Variants in KATNIP observed in about 807,000 individuals in gnomAD.
KATNIP encodes the protein katanin-interacting protein.
Under a neutral mutation model 174.0 loss-of-function variants are expected in KATNIP, and 126 were observed. The observed-to-expected ratio is 0.72, with a 90% CI of 0.63 to 0.84. The LOEUF (loss-of-function observed/expected upper bound fraction) is 0.84. Ranked by LOEUF, KATNIP falls within the 40% of genes least tolerant of loss-of-function variation. The probability of loss-of-function intolerance (pLI) is 0.00; values close to 1 mark genes in which losing one functional copy is unlikely to be tolerated. For synonymous variants in KATNIP, 810 were observed against 835.7 expected, an observed-to-expected ratio of 0.97 and a Z score of 0.53; for missense variants, 1,958 against 2,109.7, an observed-to-expected ratio of 0.93 and a Z score of 1.41.
rs544886645 is a variant in KATNIP, at chr16:27,696,100, C to A, written c.941-2228C>A. On this transcript the variant is annotated intron_variant, in intron 8 of 27. Coordinates refer to ENST00000261588, the MANE Select transcript of KATNIP (RefSeq NM_015202.5). The stretch of plus-strand genomic sequence containing the variant: ...TTATATCACTGTATATTTTATAAAA[C>A]CATCTTTCCATTCATGGGAACTTCC... Among the ~76,000 whole-genome samples the A allele has an allele frequency of 2.6e-5, 4 of 152,274 alleles. No individual in the cohort carries two copies. The East Asian group carries it at 7.7e-4, about 29-fold the overall frequency.
intron 6 of KATNIP, among the ~76,000 whole-genome samples, chr16:27,655,832 A>G (rs1048318551): frequency 1.3e-5 from 2 of 152,166 alleles, no homozygotes; most frequent in Non-Finnish European, 2.9e-5. Context: ...ATTCACAGTC[A>G]CAGGCGGGGA....
intron 8 of KATNIP, among the ~76,000 whole-genome samples, chr16:27,694,277 A>G (rs1354996447): frequency 6.6e-6 from 1 of 152,152 alleles, no homozygotes; most frequent in Non-Finnish European, 1.5e-5. Flanking sequence ...GCGTAGCAAG[A>G]GAGTCAAGTG....
chr16:27,566,121 A>T (rs2090080079), intron 1 of KATNIP, among the ~76,000 whole-genome samples: 1 of 151,216 alleles, frequency 6.6e-6, no homozygotes, highest in African/African-American at 2.4e-5. Context: ...GGCATGAGCC[A>T]CTGTGCCCCT....
chr16:27,761,198 G>T (rs541761371), intron 18 of KATNIP, among the ~76,000 whole-genome samples: 1 of 152,170 alleles, frequency 6.6e-6, no homozygotes, highest in Non-Finnish European at 1.5e-5. Context: ...TTTAACCCTC[G>T]CCCATGCAGC....
At chr16:27,766,670 C>T (rs1417436252) in intron 20 of KATNIP, among the ~76,000 whole-genome samples, 196 bp downstream of exon 20, 1 of 152,208 alleles carries the variant, frequency 6.6e-6, no homozygotes, top group East Asian at 1.9e-4. Flanking sequence ...GAGCGCAGGG[C>T]ATTTCCAGGG....
chr16:27,716,131 A>G (rs1435158527), intron 13 of KATNIP, among the ~76,000 whole-genome samples: 3 of 152,238 alleles, frequency 2.0e-5, no homozygotes, highest in Non-Finnish European at 2.9e-5. Context: ...AAAGGAAAGA[A>G]CTATTGCTAC....
rs199682685 is a variant in KATNIP at position 27,740,661 on chromosome 16, C to G, written c.2364C>G (p.Leu788=). The G allele has an allele frequency of 2.5e-6, 4 of 1,614,024 alleles. No homozygotes were observed. Among genetic ancestry groups the G allele is most frequent in the African/African-American group, 1.3e-5 (1 of 74,926 alleles). Residue 788 remains leucine (L), a synonymous_variant, in exon 15 of 28, where the codon CTC becomes CTG. Coordinates refer to ENST00000261588, the MANE Select transcript of KATNIP (RefSeq NM_015202.5). ...AGCCCCTGGCCTGGAAGGGCAGGCT[C>G]CCATCAGACGATGTCATCGGTGAGG... ...PEKPLAWKGR[L]PSDDVIGEGP... is the part of the protein sequence containing the mutation.
At chr16:27,574,017 G>C in intron 2 of KATNIP, 61 bp downstream of exon 2, 1 of 1,466,132 alleles carries the variant, frequency 6.8e-7, no homozygotes, top group Non-Finnish European at 9.5e-7. Context: ...ACCTGAGGGA[G>C]CAGGGTGGCG....
At chr16:27,644,862 CTG>C (rs1481990093) in intron 5 of KATNIP, among the ~76,000 whole-genome samples, 5 of 152,172 alleles carry the variant, frequency 3.3e-5, no homozygotes, top group Non-Finnish European at 7.3e-5. Context: ...TGCACATACT[CTG>C]TGTCCTGTTC....
Position 27,776,269 on chromosome 16 carries a change from G to A in KATNIP, c.4450-659G>A. On this transcript the variant is annotated intron_variant, in intron 24 of 27. Coordinates refer to ENST00000261588, the MANE Select transcript of KATNIP (RefSeq NM_015202.5). The surrounding 1 kb of genome is among the most constrained non-coding windows in gnomAD (Gnocchi z 4.7). ...GGGCAGGACTGAGCCTGCAGTCTGT[G>A]GCCAGTGTGGAATGCTTATTTCTTG... Among the ~76,000 whole-genome samples, 1 of 152,172 alleles carries A rather than the reference G, an allele frequency of 6.6e-6. No homozygotes were observed. The highest frequency in any genetic ancestry group is 1.9e-4 in the East Asian group (1 of 5,178).
In KATNIP at chr16:27,740,199, C is replaced by T. The variant is rs377098130; in HGVS notation, c.1902C>T (p.Asn634=). Residue 634 remains asparagine (N), a synonymous_variant, in exon 15 of 28, where the codon AAC becomes AAT. Coordinates refer to ENST00000261588, the MANE Select transcript of KATNIP (RefSeq NM_015202.5). ...EKSEQLEEAM[N]AHSEESKGTH... ...GCGAGCAACTAGAGGAGGCCATGAACGCTCACTCGGAAGAAAGCAAAGGCA... is the reference window on the plus strand; with the variant it reads ...GCGAGCAACTAGAGGAGGCCATGAATGCTCACTCGGAAGAAAGCAAAGGCA... 1.0e-4 allele frequency: 162 copies of T among 1,614,054 alleles called. No individual in the cohort carries two copies. The highest frequency in any genetic ancestry group is 2.2e-4 in the East Asian group (10 of 44,888).
At chr16:27,714,780 A>C (rs182472103) in intron 13 of KATNIP, among the ~76,000 whole-genome samples, 563 of 152,348 alleles carry the variant, frequency 3.7e-3, no homozygotes, top group Non-Finnish European at 6.1e-3. Context: ...TGAAAACTAC[A>C]AAACATTGTT....
intron 2 of KATNIP, among the ~76,000 whole-genome samples, chr16:27,607,128 G>A (rs1407704601): frequency 6.6e-6 from 1 of 152,110 alleles, no homozygotes; most frequent in Non-Finnish European, 1.5e-5. Flanking sequence ...GGCCGGGCCT[G>A]CAGTACGTGC....
chr16:27,671,457 C>G (rs2077899217), intron 6 of KATNIP, among the ~76,000 whole-genome samples: 1 of 152,214 alleles, frequency 6.6e-6, no homozygotes, highest in South Asian at 2.1e-4. Flanking sequence ...TAATCCGTCT[C>G]TCATTGATAA....
At chr16:27,702,333 C>T (rs1471363333) in intron 11 of KATNIP, among the ~76,000 whole-genome samples, 2 of 152,196 alleles carry the variant, frequency 1.3e-5, no homozygotes, top group Non-Finnish European at 2.9e-5. Flanking sequence ...CTCCTTTTCT[C>T]TATTAAAAGT....
In KATNIP at chr16:27,776,878, C is replaced by T. The variant is rs754024890; in HGVS notation, c.4450-50C>T. Reference sequence around the variant, plus strand: ...GCCTGGCACCCCCAGCCCAGCCAAGCGCCTCTGTTTCCAAACATGCCTGTT... The same window carrying T: ...GCCTGGCACCCCCAGCCCAGCCAAGTGCCTCTGTTTCCAAACATGCCTGTT... On this transcript the variant is annotated intron_variant, in intron 24 of 27. Transcript: ENST00000261588. This position sits in a 1 kb window ranked among gnomAD's most constrained non-coding sequence, Gnocchi z 4.7. The T allele has an allele frequency of 3.0e-5, 41 of 1,365,842 alleles. No individual in the cohort carries two copies. The highest frequency in any genetic ancestry group is 1.9e-4 in the Middle Eastern group (1 of 5,242). 84.6% of individuals were successfully genotyped at this position (1,365,842 alleles called of 1,614,324 possible). A position where few individuals can be genotyped will look rare whatever the true frequency, so the allele number is the denominator to read the frequency against.
intron 2 of KATNIP, among the ~76,000 whole-genome samples, chr16:27,599,452 C>T (rs930032638): frequency 6.6e-6 from 1 of 152,072 alleles, no homozygotes; most frequent in Non-Finnish European, 1.5e-5. Context: ...CATTCATGCG[C>T]CAGGCCACAC....
intron 5 of KATNIP, among the ~76,000 whole-genome samples, chr16:27,648,064 G>A (rs1236619322): frequency 2.6e-5 from 4 of 152,122 alleles, no homozygotes; most frequent in African/African-American, 7.2e-5. Context: ...GGAGGACGAG[G>A]TGGGTGAATC....
At chr16:27,774,107 G>A (rs1186015300) in intron 23 of KATNIP, among the ~76,000 whole-genome samples, 1 of 152,060 alleles carries the variant, frequency 6.6e-6, no homozygotes, top group East Asian at 1.9e-4. Context: ...TTGAATCTGT[G>A]ATCCCTGGCC....
Sources: allele counts gnomAD v4.1 joint callset (sites outside exome capture counted in the v4.1 genomes callset), GRCh38; gene constraint gnomAD v4.1.1; non-coding constraint Gnocchi (gnomAD v3.1); transcripts MANE v1.5; gene names NCBI Gene and HGNC (gene_info 2026-07-23, HGNC 2026-07-21).